The following PRLR variants were observed in gnomAD, a reference collection of about 807,000 sequenced individuals.
The protein encoded by PRLR is prolactin receptor.
In PRLR, 13 loss-of-function variants were observed where a neutral mutation model predicts 40.2. The ratio of observed to expected loss-of-function variants is 0.32; its 90% CI spans 0.21 to 0.51. The LOEUF (loss-of-function observed/expected upper bound fraction) is 0.51. PRLR is among the 20% of genes least tolerant of loss of function. PRLR has a pLI of 0.97. For missense variants in PRLR, 656 were observed against 747.3 expected, an observed-to-expected ratio of 0.88 and a Z score of 1.42; for synonymous variants, 269 against 278.7, an observed-to-expected ratio of 0.97 and a Z score of 0.35.
intron 1 of PRLR, among the ~76,000 whole-genome samples, chr5:35,181,799 C>T (rs1036712139): frequency 1.3e-5 from 2 of 152,210 alleles, no homozygotes; most frequent in Admixed American, 1.3e-4. Context: ...AAGTAGAAGT[C>T]GTCTGGGTTG....
intron 1 of PRLR, among the ~76,000 whole-genome samples, chr5:35,221,095 G>A (rs1247828600): frequency 6.6e-6 from 1 of 152,190 alleles, no homozygotes; most frequent in Non-Finnish European, 1.5e-5. Context: ...CTGAGAGGGT[G>A]TTACACAGCC....
intron 5 of PRLR, chr5:35,081,298 C>A (rs565879917): frequency 1.2e-5 from 2 of 172,482 alleles, no homozygotes; most frequent in South Asian, 1.4e-4. Flanking sequence ...GTGCAACAGC[C>A]GTGGGGCTTT....
intron 1 of PRLR, among the ~76,000 whole-genome samples, chr5:35,207,119 T>C (rs1413395815): frequency 6.6e-6 from 1 of 152,106 alleles, no homozygotes; most frequent in African/African-American, 2.4e-5. Flanking sequence ...TTCTTGAAAT[T>C]GATATTAAGA....
chr5:35,218,133 A>G (rs1776329539), intron 1 of PRLR, among the ~76,000 whole-genome samples: 1 of 152,222 alleles, frequency 6.6e-6, no homozygotes, highest in South Asian at 2.1e-4. Context: ...TTGCCACTGC[A>G]ATCTTCCAAA....
At chr5:35,115,871 T>A (rs1025109394) in intron 2 of PRLR, among the ~76,000 whole-genome samples, 9 of 152,072 alleles carry the variant, frequency 5.9e-5, no homozygotes, top group African/African-American at 1.9e-4. Flanking sequence ...GGGTCAAGTC[T>A]TGGACAGGAA....
chr5:35,140,224 G>T (rs76259554), intron 1 of PRLR, among the ~76,000 whole-genome samples: 3,932 of 152,248 alleles, frequency 0.026, 87 homozygotes, highest in Middle Eastern at 0.092. Flanking sequence ...TATTGGGGTG[G>T]CTCCTTATTA....
At chr5:35,109,511 A>ACACG (rs1424679984) in intron 2 of PRLR, among the ~76,000 whole-genome samples, 5 of 152,346 alleles carry the variant, frequency 3.3e-5, no homozygotes, top group Non-Finnish European at 5.9e-5. Flanking sequence ...GAACTTACAA[A>ACACG]TTTACAAGAA....
At chr5:35,114,333 A>C (rs1295573777) in intron 2 of PRLR, among the ~76,000 whole-genome samples, 1 of 152,222 alleles carries the variant, frequency 6.6e-6, no homozygotes, top group East Asian at 1.9e-4. Flanking sequence ...AGAGGGTCAC[A>C]TGTGCCCTGC....
intron 1 of PRLR, among the ~76,000 whole-genome samples, chr5:35,170,855 A>G (rs1774976411): frequency 6.6e-6 from 1 of 152,264 alleles, no homozygotes; most frequent in South Asian, 2.1e-4. Flanking sequence ...AGTTCATTAA[A>G]TAAACATATA....
At chr5:35,163,952 T>C (rs142649723) in intron 1 of PRLR, among the ~76,000 whole-genome samples, 2 of 152,324 alleles carry the variant, frequency 1.3e-5, no homozygotes, top group Admixed American at 6.5e-5. Context: ...CAGGTTAAGG[T>C]AGACACACTA....
At chr5:35,208,259 C>T (rs977842444) in intron 1 of PRLR, among the ~76,000 whole-genome samples, 1 of 152,078 alleles carries the variant, frequency 6.6e-6, no homozygotes, top group Non-Finnish European at 1.5e-5. Context: ...ACAACACTTT[C>T]ACACATACTG....
intron 4 of PRLR, 33 bp downstream of exon 4, chr5:35,086,175 T>A (rs1447789682): frequency 6.2e-7 from 1 of 1,611,996 alleles, no homozygotes; most frequent in East Asian, 2.2e-5. Context: ...AGTACTCATG[T>A]GGGGTTTCAT....
intron 1 of PRLR, among the ~76,000 whole-genome samples, chr5:35,162,032 T>C (rs953224655): frequency 1.3e-5 from 2 of 152,222 alleles, no homozygotes; most frequent in African/African-American, 4.8e-5. Flanking sequence ...ATCATATTCA[T>C]CTGTGGACGT....
At chr5:35,091,326 C>T (rs1409981752) in intron 2 of PRLR, among the ~76,000 whole-genome samples, 1 of 152,224 alleles carries the variant, frequency 6.6e-6, no homozygotes, top group Non-Finnish European at 1.5e-5. Context: ...TGGTTAAAGA[C>T]TCCTACTGGG....
Position 35,156,127 on chromosome 5 carries a change from T to TAAAAAAAAAA in PRLR, c.-105-38015_-105-38006dup, listed in dbSNP as rs765998296. On this transcript the variant is annotated intron_variant, in intron 1 of 9. Transcript: ENST00000618457. Reference sequence around the variant, plus strand: ...TCTCCATCTCTCCAGTTGCTCAAGATAAAAAAAAAAAACAAAAAAAAAAAC... The same window carrying TAAAAAAAAAA: ...TCTCCATCTCTCCAGTTGCTCAAGATAAAAAAAAAAAAAAAAAAAAAACAAAAAAAAAAAC... Among the ~76,000 whole-genome samples the TAAAAAAAAAA allele has an allele frequency of 4.8e-5, 5 of 103,808 alleles. 1 individual carries two copies. The highest frequency in any genetic ancestry group is 1.8e-4 in the African/African-American group (5 of 27,070). The allele number at this position is 103,808 out of a possible 152,430, so 68.1% of individuals were successfully genotyped here.
intron 2 of PRLR, among the ~76,000 whole-genome samples, chr5:35,098,175 G>A (rs1561295080): frequency 6.6e-6 from 1 of 152,204 alleles, no homozygotes. Context: ...CATGGGATGT[G>A]AATGGTCGTG....
At chr5:35,075,368 A>C (rs1770011646) in intron 5 of PRLR, among the ~76,000 whole-genome samples, 1 of 152,238 alleles carries the variant, frequency 6.6e-6, no homozygotes, top group Non-Finnish European at 1.5e-5. Flanking sequence ...CAGTCTTAGC[A>C]AATGGCATAC....
At chr5:35,158,323 A>G (rs1174470389) in intron 1 of PRLR, among the ~76,000 whole-genome samples, 1 of 152,198 alleles carries the variant, frequency 6.6e-6, no homozygotes, top group East Asian at 1.9e-4. Flanking sequence ...CTTACAACGC[A>G]GTGAAAGGAA....
chr5:35,168,824 G>T (rs756196463), intron 1 of PRLR, among the ~76,000 whole-genome samples: 1 of 152,062 alleles, frequency 6.6e-6, no homozygotes, highest in Non-Finnish European at 1.5e-5. Flanking sequence ...TTGATAAAAC[G>T]ATACTACAAG....
Sources: gnomAD v4.1 joint callset for allele counts (sites outside exome capture counted in the v4.1 genomes callset) on GRCh38, gnomAD v4.1.1 for gene constraint, MANE v1.5 for transcripts, NCBI Gene and HGNC (gene_info 2026-07-23, HGNC 2026-07-21) for gene names.